PDE4B: variants seen among roughly 807,000 people sequenced by gnomAD.
The protein encoded by PDE4B is 3',5'-cyclic-AMP phosphodiesterase 4B.
PDE4B carries 20 observed loss-of-function variants against 82.2 expected under a neutral mutation model. That is an observed-to-expected ratio of 0.24 (90% confidence interval 0.17 to 0.35). The LOEUF (loss-of-function observed/expected upper bound fraction) is 0.35. PDE4B is among the 10% of genes least tolerant of loss of function. The probability of loss-of-function intolerance (pLI) is 1.00; values close to 1 mark genes in which losing one functional copy is unlikely to be tolerated. For synonymous variants in PDE4B, 320 were observed against 318.9 expected (o/e 1.00, Z -0.04); for missense variants, 655 against 907.2 (o/e 0.72, Z 3.57).
At chr1:66,048,273 T>C (rs1197688491) in intron 3 of PDE4B, among the ~76,000 whole-genome samples, 1 of 151,848 alleles carries the variant, frequency 6.6e-6, no homozygotes, top group Admixed American at 6.6e-5. Context: ...ACCACCCCCA[T>C]ACTCCAAGTC....
intron 3 of PDE4B, among the ~76,000 whole-genome samples, chr1:66,192,580 C>T (rs780784156): frequency 6.6e-6 from 1 of 152,128 alleles, no homozygotes; most frequent in Non-Finnish European, 1.5e-5. Flanking sequence ...TTACCCCTAG[C>T]GGAGTCTCAG....
intron 3 of PDE4B, among the ~76,000 whole-genome samples, chr1:66,039,932 G>A (rs1466136141): frequency 6.6e-6 from 1 of 151,910 alleles, no homozygotes; most frequent in Non-Finnish European, 1.5e-5. Context: ...CCTTTTTGGT[G>A]GACAACTGAG....
intron 3 of PDE4B, among the ~76,000 whole-genome samples, chr1:66,021,148 C>A (rs868800250): frequency 6.6e-6 from 1 of 152,164 alleles, no homozygotes; most frequent in African/African-American, 2.4e-5. Flanking sequence ...CCTTTGCCCA[C>A]TTTTTGATGG....
rs1646117298 is a variant in PDE4B, at chr1:65,834,392, G to T, written c.-71+41144G>T. 2.6e-5 allele frequency among the ~76,000 whole-genome samples: 4 copies of T among 152,320 alleles called. No individual in the cohort carries two copies. The South Asian group carries it at 8.3e-4, about 32-fold the overall frequency. On this transcript the variant is annotated intron_variant, in intron 1 of 16. Transcript: ENST00000341517. ...ATGTTGAGTTTCTTGCTTAAAGAATGTGTAAAGCACTTAGTATGGGCCTCT... is the reference window on the plus strand; with the variant it reads ...ATGTTGAGTTTCTTGCTTAAAGAATTTGTAAAGCACTTAGTATGGGCCTCT...
At chr1:65,819,216 G>C (rs1489287854) in intron 1 of PDE4B, among the ~76,000 whole-genome samples, 1 of 152,052 alleles carries the variant, frequency 6.6e-6, no homozygotes, top group African/African-American at 2.4e-5. Context: ...TAGAGGGATG[G>C]CACCACAGAG....
intron 7 of PDE4B, among the ~76,000 whole-genome samples, chr1:66,327,001 A>G (rs1385315696): frequency 6.6e-6 from 1 of 152,220 alleles, no homozygotes; most frequent in African/African-American, 2.4e-5. Context: ...GCCAGCTTTT[A>G]GGGCACCTGA....
At chr1:65,829,953 G>A (rs1443613005) in intron 1 of PDE4B, among the ~76,000 whole-genome samples, 1 of 152,110 alleles carries the variant, frequency 6.6e-6, no homozygotes, top group African/African-American at 2.4e-5. Flanking sequence ...ACACTTCAGT[G>A]GCAATGAGCA....
chr1:66,294,216 A>T (rs536817601), intron 7 of PDE4B, among the ~76,000 whole-genome samples: 3 of 148,888 alleles, frequency 2.0e-5, no homozygotes, highest in East Asian at 2.0e-4. Context: ...AATTAAAATT[A>T]AAAAAAAAAA....
At chr1:66,237,512 C>T (rs1159259757) in intron 3 of PDE4B, among the ~76,000 whole-genome samples, 2 of 152,152 alleles carry the variant, frequency 1.3e-5, no homozygotes, top group Admixed American at 1.3e-4. Flanking sequence ...ATGTGCACCT[C>T]AACACCTCCC....
chr1:66,065,928 C>T (rs1031958045), intron 3 of PDE4B, among the ~76,000 whole-genome samples: 6 of 151,516 alleles, frequency 4.0e-5, no homozygotes, highest in Admixed American at 6.6e-5. Flanking sequence ...TTTATTTAAC[C>T]GTAGTACAAA....
intron 3 of PDE4B, among the ~76,000 whole-genome samples, chr1:66,109,936 A>G (rs930620386): frequency 2.0e-5 from 3 of 152,008 alleles, no homozygotes; most frequent in Admixed American, 6.6e-5. Flanking sequence ...CCCATAGGTG[A>G]CTCAGTTCAT....
At chr1:65,992,042 G>T (rs1651272333) in intron 3 of PDE4B, among the ~76,000 whole-genome samples, 1 of 152,082 alleles carries the variant, frequency 6.6e-6, no homozygotes, top group African/African-American at 2.4e-5. Flanking sequence ...TAAAGATTGG[G>T]CATTAAATTC....
chr1:66,223,626 C>A (rs943842678), intron 3 of PDE4B, among the ~76,000 whole-genome samples: 12 of 152,194 alleles, frequency 7.9e-5, no homozygotes, highest in African/African-American at 2.9e-4. Context: ...CTTGCTCCAA[C>A]TGACACCTGG....
intron 7 of PDE4B, among the ~76,000 whole-genome samples, chr1:66,307,895 G>A (rs1344334693): frequency 6.6e-6 from 1 of 152,120 alleles, no homozygotes; most frequent in African/African-American, 2.4e-5. Flanking sequence ...GAATGAAGGA[G>A]TTAAGTCGAG....
At chr1:66,194,883 G>C (rs141232047) in intron 3 of PDE4B, among the ~76,000 whole-genome samples, 1,672 of 152,136 alleles carry the variant, frequency 0.011, 10 homozygotes, top group Non-Finnish European at 0.015. Context: ...TTACTGAAAG[G>C]TTGCTCGTGA....
chr1:65,795,085 A>G (rs916616168), intron 1 of PDE4B, among the ~76,000 whole-genome samples: 1 of 152,232 alleles, frequency 6.6e-6, no homozygotes, highest in Non-Finnish European at 1.5e-5. Flanking sequence ...TTGCCTGTCT[A>G]GAGACAGGTA....
chr1:66,078,261 A>G (rs953753203), intron 3 of PDE4B, among the ~76,000 whole-genome samples: 1 of 151,724 alleles, frequency 6.6e-6, no homozygotes, highest in Non-Finnish European at 1.5e-5. Context: ...CAGTGGCATA[A>G]TCTCAGCTCA....
chr1:66,351,452 T>G (rs1201188986), intron 8 of PDE4B, among the ~76,000 whole-genome samples: 1 of 152,214 alleles, frequency 6.6e-6, no homozygotes, highest in African/African-American at 2.4e-5. Flanking sequence ...ATGAAACGTG[T>G]AACTTAATAA....
chr1:65,945,483 A>G (rs1225001715), intron 3 of PDE4B, among the ~76,000 whole-genome samples: 1 of 151,994 alleles, frequency 6.6e-6, no homozygotes, highest in African/African-American at 2.4e-5. Flanking sequence ...TACAGTAAAC[A>G]TAACCTTTCC....
Sources: allele counts gnomAD v4.1 joint callset (sites outside exome capture counted in the v4.1 genomes callset), GRCh38; gene constraint gnomAD v4.1.1; transcripts MANE v1.5; gene names NCBI Gene and HGNC (gene_info 2026-07-23, HGNC 2026-07-21).